The following SGPP2 variants were observed in gnomAD, a reference collection of about 807,000 sequenced individuals.
The protein encoded by SGPP2 is sphingosine 1-phosphate phosphohydrolase 2.
In SGPP2, 30 loss-of-function variants were observed where a neutral mutation model predicts 33.9. The observed-to-expected ratio is 0.89, with a 90% CI of 0.66 to 1.20. The LOEUF is 1.20. Ranked by LOEUF, SGPP2 falls within the 50% of genes most tolerant of loss-of-function variation. The pLI is 0.00. For synonymous variants in SGPP2, 233 were observed against 225.0 expected, an observed-to-expected ratio of 1.04 and a Z score of -0.32; for missense variants, 458 against 532.1, an observed-to-expected ratio of 0.86 and a Z score of 1.37.
At chr2:222,450,068 A>G (rs1697460628) in intron 1 of SGPP2, among the ~76,000 whole-genome samples, 1 of 152,214 alleles carries the variant, frequency 6.6e-6, no homozygotes, top group Non-Finnish European at 1.5e-5. Flanking sequence ...CATGTGCTTC[A>G]ATCTAAAAGG....
chr2:222,532,550 G>A (rs61266465), intron 4 of SGPP2, among the ~76,000 whole-genome samples: 1,949 of 152,180 alleles, frequency 0.013, 49 homozygotes, highest in African/African-American at 0.044. Context: ...CCCCACCCCA[G>A]GGAAGGCGTC....
At chr2:222,531,703 T>C (rs1468441939) in intron 4 of SGPP2, among the ~76,000 whole-genome samples, 1 of 152,218 alleles carries the variant, frequency 6.6e-6, no homozygotes, top group Admixed American at 6.5e-5. Context: ...TGTGTATACA[T>C]ATTAATAGAT....
chr2:222,539,416 A>G (rs542372282), intron 4 of SGPP2, among the ~76,000 whole-genome samples: 1 of 152,364 alleles, frequency 6.6e-6, no homozygotes, highest in Non-Finnish European at 1.5e-5. Context: ...AATTTTATAC[A>G]GGGAATGTGG....
At chr2:222,491,446 A>G (rs777553667) in intron 2 of SGPP2, among the ~76,000 whole-genome samples, 28 of 152,330 alleles carry the variant, frequency 1.8e-4, no homozygotes, top group Admixed American at 8.5e-4. Context: ...ATCATGGAGG[A>G]AGGGGAAGCA....
rs546893956 is a variant in SGPP2, at chr2:222,476,052, G to A, written c.378+1326G>A. Among the ~76,000 whole-genome samples the A allele has an allele frequency of 3.7e-4, 56 of 152,326 alleles. No individual in the cohort carries two copies. The South Asian group carries it at 0.011, about 31-fold the overall frequency. ...GTCTTGAAGATCAACCAACTCTAAGGTCAAAGGTTATTTAGCTGGTGGAGG... is the reference window on the plus strand; with the variant it reads ...GTCTTGAAGATCAACCAACTCTAAGATCAAAGGTTATTTAGCTGGTGGAGG... On this transcript the variant is annotated intron_variant, in intron 2 of 4. Coordinates refer to ENST00000321276, the MANE Select transcript of SGPP2 (RefSeq NM_152386.4). This position sits in a 1 kb window ranked among gnomAD's most constrained non-coding sequence, Gnocchi z 4.3.
chr2:222,509,895 G>C (rs546853551), intron 2 of SGPP2, among the ~76,000 whole-genome samples: 11 of 152,266 alleles, frequency 7.2e-5, no homozygotes, highest in African/African-American at 2.4e-4. Context: ...ATATCCATTA[G>C]CACACACTAC....
chr2:222,454,656 T>C (rs1235828666), intron 1 of SGPP2, among the ~76,000 whole-genome samples: 1 of 151,762 alleles, frequency 6.6e-6, no homozygotes, highest in Non-Finnish European at 1.5e-5. Flanking sequence ...TCTGCTTGAT[T>C]AGCTGAAAAC....
At chr2:222,542,303 A>T (rs1173860144) in intron 4 of SGPP2, among the ~76,000 whole-genome samples, 1 of 152,116 alleles carries the variant, frequency 6.6e-6, no homozygotes, top group African/African-American at 2.4e-5. Flanking sequence ...ACCACACTTT[A>T]TCCCTTCTGC....
intron 2 of SGPP2, among the ~76,000 whole-genome samples, chr2:222,479,844 T>A (rs1698003410): frequency 6.6e-6 from 1 of 152,164 alleles, no homozygotes; most frequent in Non-Finnish European, 1.5e-5. Flanking sequence ...ACCTCCAGCA[T>A]AAATGGGTTA....
intron 1 of SGPP2, among the ~76,000 whole-genome samples, chr2:222,464,868 A>C (rs547412467): frequency 1.1e-4 from 16 of 152,178 alleles, no homozygotes; most frequent in Non-Finnish European, 1.6e-4. Flanking sequence ...CATTGTTGCC[A>C]CCATGGGTCA....
intron 2 of SGPP2, among the ~76,000 whole-genome samples, chr2:222,481,715 T>C (rs1483886603): frequency 6.6e-6 from 1 of 152,132 alleles, no homozygotes; most frequent in African/African-American, 2.4e-5. Flanking sequence ...TTCTGGTGTG[T>C]AGTTTCCCTG....
chr2:222,439,772 G>A (rs143037687), intron 1 of SGPP2, among the ~76,000 whole-genome samples: 9 of 152,338 alleles, frequency 5.9e-5, no homozygotes, highest in Non-Finnish European at 1.0e-4. Context: ...CAAATTAGTA[G>A]TTGCTAAGGG....
intron 4 of SGPP2, among the ~76,000 whole-genome samples, chr2:222,552,120 T>C (rs1027931910): frequency 2.0e-5 from 3 of 152,210 alleles, no homozygotes; most frequent in Non-Finnish European, 4.4e-5. Context: ...CTGATGGGCA[T>C]TTGGGTTGGT....
rs188527913 is a variant in SGPP2 at position 222,488,094 on chromosome 2, G to A, written c.378+13368G>A. Among the ~76,000 whole-genome samples the A allele has an allele frequency of 1.2e-4, 18 of 152,286 alleles. No homozygotes were observed. The East Asian group carries it at 1.5e-3, about 13-fold the overall frequency. ...TGCCTAAATTATTGCTATCAGGTGCGTTTACCTTGCACCCTGTAAAATCTC... is the reference window on the plus strand; with the variant it reads ...TGCCTAAATTATTGCTATCAGGTGCATTTACCTTGCACCCTGTAAAATCTC... On this transcript the variant is annotated intron_variant, in intron 2 of 4. Transcript: ENST00000321276.
chr2:222,434,706 A>T (rs1195190406), intron 1 of SGPP2, among the ~76,000 whole-genome samples: 1 of 152,082 alleles, frequency 6.6e-6, no homozygotes, highest in Non-Finnish European at 1.5e-5. Context: ...GTTTCCATAA[A>T]ATTTTATGAA....
intron 2 of SGPP2, among the ~76,000 whole-genome samples, chr2:222,494,921 A>G (rs1698252951): frequency 6.6e-6 from 1 of 152,206 alleles, no homozygotes; most frequent in Non-Finnish European, 1.5e-5. Context: ...CCCTTAAAAT[A>G]TAAGAGTTGC....
At chr2:222,450,452 A>G (rs1697467163) in intron 1 of SGPP2, among the ~76,000 whole-genome samples, 2 of 152,152 alleles carry the variant, frequency 1.3e-5, no homozygotes, top group South Asian at 2.1e-4. Flanking sequence ...TTCTACAGAT[A>G]TTTTTAGTTT....
At chr2:222,430,553 A>G (rs1697138330) in intron 1 of SGPP2, among the ~76,000 whole-genome samples, 1 of 152,200 alleles carries the variant, frequency 6.6e-6, no homozygotes, top group South Asian at 2.1e-4. Context: ...TCCTGGGCTC[A>G]AGCGATCCTC....
intron 4 of SGPP2, among the ~76,000 whole-genome samples, chr2:222,540,464 G>A (rs1698975160): frequency 6.6e-6 from 1 of 152,140 alleles, no homozygotes; most frequent in Non-Finnish European, 1.5e-5. Context: ...GAAAGCTATT[G>A]CATAAGCATA....
Sources: gnomAD v4.1 joint callset for allele counts (sites outside exome capture counted in the v4.1 genomes callset) on GRCh38, gnomAD v4.1.1 for gene constraint, Gnocchi (gnomAD v3.1) non-coding constraint, MANE v1.5 for transcripts, NCBI Gene and HGNC (gene_info 2026-07-23, HGNC 2026-07-21) for gene names.